The following FYB1 variants were observed in gnomAD, a reference collection of about 807,000 sequenced individuals.
The protein encoded by FYB1 is FYN-binding protein 1.
In FYB1, 41 loss-of-function variants were observed where a neutral mutation model predicts 94.1. The ratio of observed to expected loss-of-function variants is 0.44; its 90% CI spans 0.34 to 0.57. FYB1 has a LOEUF of 0.57. FYB1 is among the 20% of genes least tolerant of loss of function. FYB1 has a pLI of 0.02. For synonymous variants in FYB1, 367 were observed against 353.2 expected, an observed-to-expected ratio of 1.04 and a Z score of -0.44; for missense variants, 1,050 against 976.8, an observed-to-expected ratio of 1.07 and a Z score of -1.00.
chr5:39,177,337 C>T (rs913180936), intron 2 of FYB1, among the ~76,000 whole-genome samples: 5 of 152,092 alleles, frequency 3.3e-5, no homozygotes, highest in African/African-American at 7.2e-5. Context: ...CAAAGAAGTC[C>T]GTAACCTACC....
chr5:39,167,480 T>C (rs1434217355), intron 2 of FYB1, among the ~76,000 whole-genome samples: 1 of 152,236 alleles, frequency 6.6e-6, no homozygotes, highest in Admixed American at 6.5e-5. Context: ...GACCTTTGTA[T>C]GTATGCACAG....
chr5:39,194,344 G>C (rs1747636423), intron 2 of FYB1, among the ~76,000 whole-genome samples: 3 of 152,196 alleles, frequency 2.0e-5, no homozygotes, highest in Middle Eastern at 3.4e-3. Context: ...AACAAAGCAA[G>C]ACTCTGTCTC....
intron 10 of FYB1, 124 bp from the exon 11 acceptor site, chr5:39,127,931 C>A: frequency 1.2e-6 from 1 of 861,708 alleles, no homozygotes; most frequent in Non-Finnish European, 1.7e-6. Context: ...TCATGTAAAC[C>A]ATTTAAATAA....
At position 39,139,227 on chromosome 5, in the gene FYB1, T is replaced by C. The variant is rs777044935; in HGVS notation, c.1359+6A>G. 1 of 1,463,694 alleles carries C rather than the reference T, an allele frequency of 6.8e-7. No individual in the cohort carries two copies. Among genetic ancestry groups the C allele is most frequent in the East Asian group, 2.5e-5 (1 of 39,572 alleles). 90.7% of individuals were successfully genotyped at this position (1,463,694 alleles called of 1,614,324 possible). A position where few individuals can be genotyped will look rare whatever the true frequency, so the allele number is the denominator to read the frequency against. ...AATATAATATGAGAAGAGAAAAAAA[T>C]CTGACCTCATCTAGATTTCCAGCAC... On this transcript the variant is annotated splice_donor_region_variant and intron_variant, in intron 5 of 18. Coordinates refer to ENST00000512982, the MANE Select transcript of FYB1 (RefSeq NM_001465.6).
At position 39,148,155 on chromosome 5, in the gene FYB1, TTATATATATATATATATA is replaced by T. The variant is rs10528848; in HGVS notation, c.1292+5275_1292+5292del. On this transcript the variant is annotated intron_variant, in intron 3 of 18. Coordinates refer to ENST00000512982, the MANE Select transcript of FYB1 (RefSeq NM_001465.6). ...ATTATATGTATATTATATGTATTTT[TTATATATATATATATATA>T]TATATATATATATATATATATATAT... is the stretch of plus-strand genomic sequence containing the variant. Among the ~76,000 whole-genome samples the T allele has an allele frequency of 4.4e-3, 164 of 37,638 alleles. 3 individuals are homozygous for T. The highest frequency in any genetic ancestry group is 0.011 in the African/African-American group (87 of 7,754). The allele number at this position is 37,638 out of a possible 152,430, so 24.7% of individuals were successfully genotyped here.
At chr5:39,200,636 A>T (rs1172539988) in intron 2 of FYB1, among the ~76,000 whole-genome samples, 1 of 152,234 alleles carries the variant, frequency 6.6e-6, no homozygotes, top group Admixed American at 6.5e-5. Flanking sequence ...TGGTCATGGG[A>T]TCATTCCAAA....
chr5:39,230,411 A>C (rs1440930858), intron 1 of FYB1, among the ~76,000 whole-genome samples: 1 of 152,166 alleles, frequency 6.6e-6, no homozygotes, highest in Non-Finnish European at 1.5e-5. Context: ...CTCCAGAAGA[A>C]GCACAACTCT....
intron 1 of FYB1, among the ~76,000 whole-genome samples, chr5:39,258,025 G>A (rs1031403311): frequency 3.3e-5 from 5 of 152,168 alleles, no homozygotes; most frequent in Non-Finnish European, 7.3e-5. Flanking sequence ...TAATACACAG[G>A]TGGCTGGGCC....
chr5:39,137,969 C>T (rs1360912999), intron 6 of FYB1: 12 of 480,360 alleles, frequency 2.5e-5, no homozygotes, highest in African/African-American at 9.9e-5. Context: ...TGGAAGCCAC[C>T]GTTTATAGAG....
intron 9 of FYB1, among the ~76,000 whole-genome samples, chr5:39,132,934 T>A (rs1169224517): frequency 1.3e-5 from 2 of 152,160 alleles, no homozygotes. Flanking sequence ...TCACACTAGG[T>A]CGATGTTTGA....
chr5:39,154,082 G>A (rs1381975378), intron 2 of FYB1, among the ~76,000 whole-genome samples: 3 of 151,990 alleles, frequency 2.0e-5, no homozygotes, highest in East Asian at 1.9e-4. Context: ...CACTATGCCC[G>A]GCCTTATTCA....
At chr5:39,142,109 A>AC (rs1166238750) in intron 3 of FYB1, among the ~76,000 whole-genome samples, 2 of 152,192 alleles carry the variant, frequency 1.3e-5, no homozygotes, top group Non-Finnish European at 2.9e-5. Flanking sequence ...AGCTGGAGAA[A>AC]ATGGCCGTCA....
intron 2 of FYB1, among the ~76,000 whole-genome samples, chr5:39,172,403 G>A (rs1361928223): frequency 6.6e-6 from 1 of 151,936 alleles, no homozygotes; most frequent in East Asian, 1.9e-4. Context: ...CCGAGATCAT[G>A]CCACTCCATG....
intron 4 of FYB1, among the ~76,000 whole-genome samples, chr5:39,140,363 G>C (rs1742063331): frequency 6.6e-6 from 1 of 152,058 alleles, no homozygotes; most frequent in South Asian, 2.1e-4. Flanking sequence ...AACCACAAAG[G>C]CTTATAAGCA....
chr5:39,165,847 C>T (rs1363867699), intron 2 of FYB1, among the ~76,000 whole-genome samples: 1 of 152,146 alleles, frequency 6.6e-6, no homozygotes, highest in Admixed American at 6.5e-5. Context: ...AAAGAAGACA[C>T]ACATGTGGCC....
Position 39,202,938 on chromosome 5 carries a change from C to T in FYB1, c.23G>A (p.Gly8Asp), listed in dbSNP as rs1329323056. The change falls in exon 2 of 19, where the codon GGC (glycine) becomes GAC (aspartate). Residue 8 changes from glycine (G) to aspartate (D), a missense_variant. Gly to Asp is a moderately conservative substitution (Grantham distance 94, BLOSUM62 -1). Transcript: ENST00000512982. The stretch of plus-strand genomic sequence containing the variant: ...GACTGAGACATCCTCTGTCGGGTTG[C>T]CCCCCGTGTTATATTTCGCCATGAG... MAKYNTGGNPTEDVSVNS... is the reference protein window; with the variant it reads MAKYNTGDNPTEDVSVNS... 6.2e-7 allele frequency: 1 copy of T among 1,613,858 alleles called. No homozygotes were observed. Among genetic ancestry groups the T allele is most frequent in the Non-Finnish European group, 8.5e-7 (1 of 1,179,878 alleles).
Position 39,194,448 on chromosome 5 carries a change from A to G in FYB1, c.1135+7378T>C, listed in dbSNP as rs577580698. Among the ~76,000 whole-genome samples, 5 of 152,238 alleles carry G rather than the reference A, an allele frequency of 3.3e-5. No homozygotes were observed. In the South Asian group the frequency reaches 8.3e-4, roughly 25 times the overall value. On this transcript the variant is annotated intron_variant, in intron 2 of 18. Transcript: ENST00000512982. ...GGCTGAAGTGGAGGGATTTGTGCCC[A>G]GGAGTTCAAGGCTGCAGTGAGCTGT...
chr5:39,243,032 G>A (rs1382738494), intron 1 of FYB1, among the ~76,000 whole-genome samples: 1 of 152,170 alleles, frequency 6.6e-6, no homozygotes, highest in East Asian at 1.9e-4. Context: ...TGTAGATTCT[G>A]GATATTAGCC....
intron 3 of FYB1, among the ~76,000 whole-genome samples, chr5:39,141,683 A>T (rs1742197632): frequency 6.6e-6 from 1 of 152,096 alleles, no homozygotes; most frequent in Non-Finnish European, 1.5e-5. Flanking sequence ...AACCAATGAT[A>T]AAAGTCACAA....
Sources: allele counts gnomAD v4.1 joint callset (sites outside exome capture counted in the v4.1 genomes callset), GRCh38; gene constraint gnomAD v4.1.1; transcripts MANE v1.5; gene names NCBI Gene and HGNC (gene_info 2026-07-23, HGNC 2026-07-21).